Variants in RNF150 observed in about 807,000 individuals in gnomAD.
The protein encoded by RNF150 is ring finger protein 150.
A neutral mutation model predicts 39.3 loss-of-function variants in RNF150; 24 were observed. The ratio of observed to expected loss-of-function variants is 0.61; its 90% CI spans 0.44 to 0.86. The LOEUF is 0.86. Ranked by LOEUF, RNF150 falls within the 40% of genes least tolerant of loss-of-function variation. The pLI, the probability that RNF150 is intolerant of heterozygous loss-of-function variation, is 0.00. For synonymous variants in RNF150, 255 were observed against 227.3 expected (o/e 1.12, Z -1.10); for missense variants, 502 against 587.8 (o/e 0.85, Z 1.51).
intron 1 of RNF150, among the ~76,000 whole-genome samples, chr4:141,198,250 C>G (rs1728237277): frequency 6.6e-6 from 1 of 152,098 alleles, no homozygotes; most frequent in Admixed American, 6.5e-5. Flanking sequence ...TGGTCTCGAA[C>G]TCCTGACCTC....
intron 1 of RNF150, among the ~76,000 whole-genome samples, chr4:140,994,457 A>C (rs1734294952): frequency 6.6e-6 from 1 of 151,634 alleles, no homozygotes; most frequent in Non-Finnish European, 1.5e-5. Context: ...GCTGCTGTGC[A>C]TGTGTGTGCA....
intron 6 of RNF150, among the ~76,000 whole-genome samples, chr4:140,885,390 T>C (rs916306645): frequency 7.0e-6 from 1 of 142,634 alleles, no homozygotes; most frequent in East Asian, 2.0e-4. Flanking sequence ...TTATATATAA[T>C]ATATTATAAA....
At chr4:141,079,241 C>T (rs1021259059) in intron 1 of RNF150, among the ~76,000 whole-genome samples, 4 of 152,122 alleles carry the variant, frequency 2.6e-5, no homozygotes, top group African/African-American at 9.7e-5. Context: ...TCTGCTTCTC[C>T]AACCCCAGTT....
intron 1 of RNF150, among the ~76,000 whole-genome samples, chr4:141,084,040 A>G (rs190775980): frequency 6.6e-6 from 1 of 152,312 alleles, no homozygotes; most frequent in East Asian, 1.9e-4. Context: ...TTGAATCATG[A>G]TATTTAAATT....
intron 1 of RNF150, among the ~76,000 whole-genome samples, chr4:141,131,030 C>T (rs560476975): frequency 4.6e-5 from 7 of 152,288 alleles, no homozygotes; most frequent in African/African-American, 1.7e-4. Flanking sequence ...ATTTCCCCTC[C>T]CCACCTGTTT....
chr4:140,921,233 A>G (rs1186088814), intron 5 of RNF150, among the ~76,000 whole-genome samples: 1 of 151,826 alleles, frequency 6.6e-6, no homozygotes, highest in Non-Finnish European at 1.5e-5. Flanking sequence ...AGACTAATAA[A>G]GAAGAAAAGA....
chr4:141,186,768 G>C (rs997636917), intron 1 of RNF150, among the ~76,000 whole-genome samples: 4 of 151,858 alleles, frequency 2.6e-5, no homozygotes, highest in African/African-American at 4.8e-5. Context: ...CTGGCTAGTG[G>C]TCCACCTATT....
At chr4:141,063,991 CAAAA>C (rs35348369) in intron 1 of RNF150, among the ~76,000 whole-genome samples, 1 of 116,660 alleles carries the variant, frequency 8.6e-6, no homozygotes, top group Non-Finnish European at 1.7e-5. Context: ...AAAAGTTCTA[CAAAA>C]AAAAAAAAAA....
chr4:140,951,276 T>C (rs997924737), intron 2 of RNF150, among the ~76,000 whole-genome samples: 1 of 152,202 alleles, frequency 6.6e-6, no homozygotes, highest in Admixed American at 6.5e-5. Context: ...GCTTAGTTTT[T>C]GCTTCACATT....
chr4:141,084,041 T>C (rs527896374), intron 1 of RNF150, among the ~76,000 whole-genome samples: 2 of 152,338 alleles, frequency 1.3e-5, no homozygotes, highest in Non-Finnish European at 2.9e-5. Flanking sequence ...TGAATCATGA[T>C]ATTTAAATTT....
chr4:141,106,371 T>C (rs898263712), intron 1 of RNF150, among the ~76,000 whole-genome samples: 8 of 152,182 alleles, frequency 5.3e-5, no homozygotes, highest in Admixed American at 1.3e-4. Flanking sequence ...TAAGTAAATA[T>C]ATACACACAG....
intron 1 of RNF150, among the ~76,000 whole-genome samples, chr4:140,987,167 A>G (rs1439919252): frequency 6.6e-6 from 1 of 152,170 alleles, no homozygotes. Context: ...GGAAGAATTA[A>G]TATCATTAAA....
chr4:141,096,190 C>CTTT (rs780868429), intron 1 of RNF150, among the ~76,000 whole-genome samples: 3,317 of 67,770 alleles, frequency 0.049, 482 homozygotes, highest in East Asian at 0.35. Context: ...TTTTAGCTTT[C>CTTT]TTTTTTTTTT....
chr4:141,031,788 A>G (rs1191533787), intron 1 of RNF150, among the ~76,000 whole-genome samples: 2 of 152,130 alleles, frequency 1.3e-5, no homozygotes, highest in Non-Finnish European at 2.9e-5. Context: ...GAACCCTTGT[A>G]CAATGTTGGT....
At chr4:140,929,568 G>C (rs931624772) in intron 4 of RNF150, among the ~76,000 whole-genome samples, 4 of 151,632 alleles carry the variant, frequency 2.6e-5, no homozygotes, top group Non-Finnish European at 5.9e-5. Context: ...GGGTTTCATC[G>C]TGTTGGCCAG....
chr4:140,866,744 T>G lies in RNF150; in HGVS notation c.*1517A>C, dbSNP rs1274589699. ...AGTGAGAAAAGCTTTCTTTCCTGGT[T>G]AATCCAAGCCGCAGCCTGGTGTTTG... On this transcript the variant is annotated 3_prime_UTR_variant, in exon 7 of 7. Transcript: ENST00000515673. The G allele has an allele frequency of 6.6e-6, 1 of 152,206 alleles. No individual in the cohort carries two copies. Among genetic ancestry groups the G allele is most frequent in the Non-Finnish European group, 1.5e-5 (1 of 68,046 alleles). 9.4% of individuals were successfully genotyped at this position (152,206 alleles called of 1,614,324 possible).
intron 1 of RNF150, among the ~76,000 whole-genome samples, chr4:141,019,760 G>A (rs567365308): frequency 8.9e-4 from 135 of 152,260 alleles, no homozygotes; most frequent in Admixed American, 5.2e-4. Context: ...AGGTATTTAA[G>A]TTACAGATGT....
intron 1 of RNF150, among the ~76,000 whole-genome samples, chr4:140,986,408 A>G (rs1734017631): frequency 2.0e-5 from 3 of 152,116 alleles, no homozygotes; most frequent in African/African-American, 7.2e-5. Context: ...GAAAGAAAAG[A>G]AAAGCAATTC....
At chr4:140,869,544 C>G (rs1332947911) in intron 6 of RNF150, among the ~76,000 whole-genome samples, 1 of 152,128 alleles carries the variant, frequency 6.6e-6, no homozygotes, top group Non-Finnish European at 1.5e-5. Flanking sequence ...AATCCCTATC[C>G]TGAAGGAGCT....
Sources: allele counts gnomAD v4.1 joint callset (sites outside exome capture counted in the v4.1 genomes callset), GRCh38; gene constraint gnomAD v4.1.1; transcripts MANE v1.5; gene names NCBI Gene and HGNC (gene_info 2026-07-23, HGNC 2026-07-21).